LRRC59: variants seen among roughly 807,000 people sequenced by gnomAD.
LRRC59 encodes the protein leucine-rich repeat-containing protein 59.
LRRC59 carries 18 observed loss-of-function variants against 33.5 expected under a neutral mutation model. The observed-to-expected ratio is 0.54, with a 90% confidence interval of 0.37 to 0.80. The LOEUF (loss-of-function observed/expected upper bound fraction) is 0.80, where lower values mean the gene tolerates loss of function less well. Ranked by LOEUF, LRRC59 falls within the 30% of genes least tolerant of loss-of-function variation. The pLI is 0.00. For synonymous variants in LRRC59, 138 were observed against 160.0 expected, an observed-to-expected ratio of 0.86 and a Z score of 1.04; for missense variants, 330 against 391.9, an observed-to-expected ratio of 0.84 and a Z score of 1.33.
chr17:50,388,985 C>G (rs1598369218), intron 4 of LRRC59, among the ~76,000 whole-genome samples: 1 of 152,324 alleles, frequency 6.6e-6, no homozygotes, highest in African/African-American at 2.4e-5. Context: ...TAGCTAATTG[C>G]AGGCATTCAA....
intron 2 of LRRC59, among the ~76,000 whole-genome samples, chr17:50,393,330 C>T (rs1914195029): frequency 6.6e-6 from 1 of 152,220 alleles, no homozygotes; most frequent in African/African-American, 2.4e-5. Context: ...TCAGTTCTTG[C>T]TCCAGCCTAC....
At position 50,397,329 on chromosome 17, in the gene LRRC59, C is replaced by T. The variant is rs1180992320; in HGVS notation, c.-12G>A. 1 of 1,597,850 alleles carries T rather than the reference C, an allele frequency of 6.3e-7. No individual in the cohort carries two copies. Among genetic ancestry groups the T allele is most frequent in the Non-Finnish European group, 8.5e-7 (1 of 1,172,088 alleles). The stretch of plus-strand genomic sequence containing the variant: ...CCGGCCTTGGTCATGGTAACGCCGG[C>T]TGAGCGGGCCCCGGCTCCGGGGTTC... On this transcript the variant is annotated 5_prime_UTR_variant, in exon 1 of 7. Transcript: ENST00000225972.
At chr17:50,389,566 T>G (rs1173772178) in intron 4 of LRRC59, among the ~76,000 whole-genome samples, 1 of 152,238 alleles carries the variant, frequency 6.6e-6, no homozygotes, top group Non-Finnish European at 1.5e-5. Context: ...TACTGCTGCT[T>G]ATTTTCTTTA....
intron 4 of LRRC59, among the ~76,000 whole-genome samples, chr17:50,392,096 A>G (rs1354181410): frequency 1.3e-5 from 2 of 152,228 alleles, no homozygotes; most frequent in Non-Finnish European, 2.9e-5. Flanking sequence ...GCTACTCGGG[A>G]GGCTGAGGCA....
At chr17:50,397,027 G>T in intron 1 of LRRC59, 186 bp downstream of exon 1, 1 of 447,430 alleles carries the variant, frequency 2.2e-6, no homozygotes, top group South Asian at 4.6e-5. Context: ...GCGCCAAAGT[G>T]ACACGTGTAC....
In LRRC59 at chr17:50,385,163, G is replaced by T. The variant is rs746269274; in HGVS notation, c.631C>A (p.Arg211=). 1 of 1,613,934 alleles carries T rather than the reference G, an allele frequency of 6.2e-7. No individual in the cohort carries two copies. The highest frequency in any genetic ancestry group is 1.3e-5 in the African/African-American group (1 of 74,872). Residue 211 remains arginine (R), a synonymous_variant, in exon 6 of 7, where the codon CGG becomes AGG. Transcript: ENST00000225972. ...TTCTTAGGTTTCTTCTCCTGCTCCC[G>T]CTTGGCTGCTTTGAGGGCATCATAC... ...KEYDALKAAK[R]EQEKKPKKEA...
chr17:50,392,558 G>T, intron 3 of LRRC59, 56 bp from the exon 4 acceptor site: 1 of 1,493,660 alleles, frequency 6.7e-7, no homozygotes, highest in Non-Finnish European at 9.3e-7. Flanking sequence ...CACATACATA[G>T]TCCCTCAGGG....
At chr17:50,393,259 C>T (rs574363241) in intron 2 of LRRC59, among the ~76,000 whole-genome samples, 3 of 152,232 alleles carry the variant, frequency 2.0e-5, no homozygotes, top group African/African-American at 7.2e-5. Context: ...GTGATAATTA[C>T]CAAGATATGT....
chr17:50,388,800 TG>T (rs1914073623), intron 4 of LRRC59, among the ~76,000 whole-genome samples: 1 of 152,206 alleles, frequency 6.6e-6, no homozygotes, highest in African/African-American at 2.4e-5. Flanking sequence ...CTTTCCTGAC[TG>T]CCCCTCCTGT....
intron 6 of LRRC59, among the ~76,000 whole-genome samples, chr17:50,384,588 A>C (rs1019165645): frequency 4.6e-5 from 7 of 152,150 alleles, no homozygotes; most frequent in African/African-American, 1.7e-4. Context: ...CAACATGCAG[A>C]AACCACATCA....
At chr17:50,395,560 C>T (rs935168263) in intron 1 of LRRC59, among the ~76,000 whole-genome samples, 4 of 152,158 alleles carry the variant, frequency 2.6e-5, no homozygotes, top group Non-Finnish European at 5.9e-5. Flanking sequence ...TACTCAATAT[C>T]CATACATGTT....
chr17:50,394,893 G>A, intron 2 of LRRC59, 36 bp downstream of exon 2: 2 of 1,478,324 alleles, frequency 1.4e-6, no homozygotes, highest in Non-Finnish European at 1.9e-6. Context: ...TGCATCCAAG[G>A]CACCAGAAGG....
rs1288605945 is a variant in LRRC59, at chr17:50,397,497, C to G, written c.-180G>C. 1 of 505,298 alleles carries G rather than the reference C, an allele frequency of 2.0e-6. No homozygotes were observed. Among genetic ancestry groups the G allele is most frequent in the Non-Finnish European group, 3.5e-6 (1 of 284,440 alleles). 31.3% of individuals were successfully genotyped at this position (505,298 alleles called of 1,614,324 possible). A position where few individuals can be genotyped will look rare whatever the true frequency, so the allele number is the denominator to read the frequency against. On this transcript the variant is annotated 5_prime_UTR_variant, in exon 1 of 7. Coordinates refer to ENST00000225972, the MANE Select transcript of LRRC59 (RefSeq NM_018509.4). Reference sequence around the variant, plus strand: ...TCCGAGCCTCGCGCCTAGCTCCCACCGGTGCCGCGACGACGACCACTTCCG... The same window carrying G: ...TCCGAGCCTCGCGCCTAGCTCCCACGGGTGCCGCGACGACGACCACTTCCG...
intron 1 of LRRC59, chr17:50,396,939 G>A: frequency 2.5e-6 from 1 of 401,192 alleles, no homozygotes; most frequent in Non-Finnish European, 4.4e-6. Flanking sequence ...TGAAAGCCCC[G>A]CAAAGGTGAC....
chr17:50,392,051 T>C (rs1449539795), intron 4 of LRRC59, among the ~76,000 whole-genome samples: 1 of 152,042 alleles, frequency 6.6e-6, no homozygotes, highest in Non-Finnish European at 1.5e-5. Flanking sequence ...AATACAAAAA[T>C]TAGCTGAGCA....
Position 50,382,007 on chromosome 17 carries a change from C to T in LRRC59, c.*981G>A, listed in dbSNP as rs1384539422. On this transcript the variant is annotated 3_prime_UTR_variant, in exon 7 of 7. Coordinates refer to ENST00000225972, the MANE Select transcript of LRRC59 (RefSeq NM_018509.4). ...GTTGCCTTTGAGGTATTTAGTCACA[C>T]CAAGTACAACTAGAGCTGTCATAGA... 6.6e-6 allele frequency: 1 copy of T among 152,658 alleles called. No homozygotes were observed. The highest frequency in any genetic ancestry group is 2.4e-5 in the African/African-American group (1 of 41,448). The allele number at this position is 152,658 out of a possible 1,614,324, so 9.5% of individuals were successfully genotyped here.
At chr17:50,392,561 C>A in intron 3 of LRRC59, 59 bp from the exon 4 acceptor site, 1 of 1,498,676 alleles carries the variant, frequency 6.7e-7, no homozygotes, top group South Asian at 1.1e-5. Flanking sequence ...ATACATAGTC[C>A]CTCAGGGTGA....
At chr17:50,394,876 A>G in intron 2 of LRRC59, 53 bp downstream of exon 2, 52 of 849,912 alleles carry the variant, frequency 6.1e-5, no homozygotes, top group Non-Finnish European at 8.8e-5. Context: ...CCGAAACAGG[A>G]AGGAGATGCA....
chr17:50,383,450 C>G lies in LRRC59; in HGVS notation c.677-215G>C, dbSNP rs1019106910. 2.0e-5 allele frequency among the ~76,000 whole-genome samples: 3 copies of G among 152,164 alleles called. No homozygotes were observed. The South Asian group carries it at 6.2e-4, about 31-fold the overall frequency. ...GGTAGATTTGCAACTGGCACTCATT[C>G]TGCGTGTCTCATGTAGCTCACAGCC... On this transcript the variant is annotated intron_variant, in intron 6 of 6. Coordinates refer to ENST00000225972, the MANE Select transcript of LRRC59 (RefSeq NM_018509.4).
Sources: allele counts gnomAD v4.1 joint callset (sites outside exome capture counted in the v4.1 genomes callset), GRCh38; gene constraint gnomAD v4.1.1; transcripts MANE v1.5; gene names NCBI Gene and HGNC (gene_info 2026-07-23, HGNC 2026-07-21).